Variants in ARHGEF26 observed in about 807,000 individuals in gnomAD.
ARHGEF26 encodes Rho guanine nucleotide exchange factor 26, also known as Rho guanine nucleotide exchange factor (GEF) 26.
A neutral mutation model predicts 89.4 loss-of-function variants in ARHGEF26; 59 were observed. That is an observed-to-expected ratio of 0.66 (90% CI 0.54 to 0.82). The LOEUF (loss-of-function observed/expected upper bound fraction) is 0.82, where lower values mean the gene tolerates loss of function less well. Ranked by LOEUF, ARHGEF26 falls within the 40% of genes least tolerant of loss-of-function variation. The pLI is 0.00. For missense variants in ARHGEF26, 1,234 were observed against 1,085.6 expected, an observed-to-expected ratio of 1.14 and a Z score of -1.92; for synonymous variants, 500 against 428.4, an observed-to-expected ratio of 1.17 and a Z score of -2.06.
At chr3:154,194,761 T>G (rs1243309373) in intron 9 of ARHGEF26, 43 bp downstream of exon 9, 2 of 1,508,626 alleles carry the variant, frequency 1.3e-6, no homozygotes, top group Admixed American at 3.6e-5. Flanking sequence ...AGGAAACCAT[T>G]CAGTTAGCTC....
chr3:154,124,372 C>CTTTTTTTTTTTTTTTTTTATT, intron 2 of ARHGEF26, 38 bp from the exon 3 acceptor site: 1 of 1,007,768 alleles, frequency 9.9e-7, no homozygotes, highest in Non-Finnish European at 1.3e-6. Flanking sequence ...TTTGCTTTTC[C>CTTTTTTTTTTTTTTTTTTATT]TTTTTTTTTT....
chr3:154,174,463 G>A (rs1712674834), intron 6 of ARHGEF26, among the ~76,000 whole-genome samples: 1 of 152,186 alleles, frequency 6.6e-6, no homozygotes, highest in South Asian at 2.1e-4. Flanking sequence ...CTATGCATCA[G>A]GTGGCACTCT....
At chr3:154,252,452 G>A (rs1315010334) in intron 12 of ARHGEF26, among the ~76,000 whole-genome samples, 2 of 152,138 alleles carry the variant, frequency 1.3e-5, no homozygotes, top group African/African-American at 4.8e-5. Flanking sequence ...ATGTAGAGAA[G>A]TGCTTGCTTA....
chr3:154,252,845 CCTT>C (rs1444415439), intron 12 of ARHGEF26, among the ~76,000 whole-genome samples: 4 of 152,152 alleles, frequency 2.6e-5, no homozygotes, highest in Non-Finnish European at 5.9e-5. Context: ...GTAATCAGCT[CCTT>C]ATTAACTTTT....
intron 6 of ARHGEF26, among the ~76,000 whole-genome samples, chr3:154,171,314 A>C (rs1228257530): frequency 2.6e-5 from 4 of 152,178 alleles, no homozygotes; most frequent in Non-Finnish European, 5.9e-5. Context: ...TACTATCAAC[A>C]TCCCACATCA....
intron 12 of ARHGEF26, among the ~76,000 whole-genome samples, chr3:154,252,416 A>T (rs1483413598): frequency 6.6e-6 from 1 of 152,210 alleles, no homozygotes; most frequent in African/African-American, 2.4e-5. Context: ...TTGGTGCTCA[A>T]AATAAAAAAC....
chr3:154,195,012 G>A (rs997277565), intron 9 of ARHGEF26, among the ~76,000 whole-genome samples: 4 of 152,178 alleles, frequency 2.6e-5, no homozygotes, highest in Non-Finnish European at 5.9e-5. Context: ...ATCAACCACT[G>A]TGCCAAGAAT....
At chr3:154,207,325 A>G (rs1037550959) in intron 9 of ARHGEF26, among the ~76,000 whole-genome samples, 2 of 152,220 alleles carry the variant, frequency 1.3e-5, no homozygotes, top group Non-Finnish European at 2.9e-5. Context: ...GACAGCCTAC[A>G]GAATGGGAGA....
chr3:154,137,379 A>C lies in ARHGEF26; in HGVS notation c.1269+7660A>C, dbSNP rs968289279. Among the ~76,000 whole-genome samples the C allele has an allele frequency of 3.9e-5, 6 of 152,298 alleles. No individual in the cohort carries two copies. The East Asian group carries it at 5.8e-4, about 15-fold the overall frequency. On this transcript the variant is annotated intron_variant, in intron 4 of 14. Transcript: ENST00000465093. ...CCACCGGCAAGAAGGCTCTCACCAA[A>C]TGTAGCCCCTCAGCCTGGAACTTCT...
At position 154,224,087 on chromosome 3, in the gene ARHGEF26, A is replaced by G. The variant is rs930665118; in HGVS notation, c.1936-1769A>G. ...ATCTTTGTTCATGAATTTCTTTTCT[A>G]GTTTCTGGTTCACACATGGATTCTA... On this transcript the variant is annotated intron_variant, in intron 10 of 14. Transcript: ENST00000465093. Among the ~76,000 whole-genome samples the G allele has an allele frequency of 3.3e-5, 5 of 152,086 alleles. No homozygotes were observed. In the East Asian group the frequency reaches 7.7e-4, roughly 23 times the overall value.
At chr3:154,126,006 A>G (rs1718309229) in intron 3 of ARHGEF26, among the ~76,000 whole-genome samples, 1 of 152,156 alleles carries the variant, frequency 6.6e-6, no homozygotes, top group East Asian at 1.9e-4. Context: ...CATGTGTGAA[A>G]TGAGGTTAAT....
At position 154,219,392 on chromosome 3, in the gene ARHGEF26, C is replaced by T. The variant is rs187350635; in HGVS notation, c.1935+1434C>T. ...GGTGAATCACCTGGGGTCAGGAGTT[C>T]GAGAGCAGCCTGACCAACGTGATGA... On this transcript the variant is annotated intron_variant, in intron 10 of 14. Transcript: ENST00000465093. Among the ~76,000 whole-genome samples the T allele has an allele frequency of 1.2e-4, 18 of 151,902 alleles. 1 individual carries two copies. The highest frequency in any genetic ancestry group is 1.2e-3 in the Admixed American group (18 of 15,246).
At chr3:154,158,789 C>A (rs1489752394) in intron 6 of ARHGEF26, among the ~76,000 whole-genome samples, 3 of 29,678 alleles carry the variant, frequency 1.0e-4, no homozygotes, top group African/African-American at 5.0e-4. Context: ...TTTCATATTT[C>A]CTTTGATTTT....
At chr3:154,153,963 A>G (rs932210808) in intron 6 of ARHGEF26, among the ~76,000 whole-genome samples, 5 of 152,102 alleles carry the variant, frequency 3.3e-5, no homozygotes, top group African/African-American at 1.2e-4. Context: ...TTTGTTCTGT[A>G]GAATTTCCCA....
At chr3:154,142,140 T>G (rs1206339111) in intron 4 of ARHGEF26, among the ~76,000 whole-genome samples, 4 of 152,114 alleles carry the variant, frequency 2.6e-5, no homozygotes, top group African/African-American at 9.7e-5. Flanking sequence ...AGGATGTAAC[T>G]TAAACTAGAT....
intron 9 of ARHGEF26, among the ~76,000 whole-genome samples, chr3:154,207,173 A>T (rs1248362049): frequency 1.3e-5 from 2 of 152,220 alleles, no homozygotes; most frequent in Admixed American, 6.5e-5. Context: ...ACCTGGTCAT[A>T]CCATTCGGGA....
intron 4 of ARHGEF26, among the ~76,000 whole-genome samples, chr3:154,133,239 C>G (rs1718797001): frequency 6.6e-6 from 1 of 152,056 alleles, no homozygotes; most frequent in Non-Finnish European, 1.5e-5. Context: ...TTTCATTGGA[C>G]CATGCTGGGT....
At chr3:154,151,723 T>G (rs1018105229) in intron 5 of ARHGEF26, among the ~76,000 whole-genome samples, 3 of 152,164 alleles carry the variant, frequency 2.0e-5, no homozygotes, top group Non-Finnish European at 2.9e-5. Context: ...GCACTGAGAT[T>G]AGCACTTCTA....
At chr3:154,158,737 A>C (rs945661916) in intron 6 of ARHGEF26, among the ~76,000 whole-genome samples, 1 of 152,166 alleles carries the variant, frequency 6.6e-6, no homozygotes, top group African/African-American at 2.4e-5. Context: ...GAATAGGCTT[A>C]ATTCATAACT....
Sources: gnomAD v4.1 joint callset for allele counts (sites outside exome capture counted in the v4.1 genomes callset) on GRCh38, gnomAD v4.1.1 for gene constraint, MANE v1.5 for transcripts, NCBI Gene and HGNC (gene_info 2026-07-23, HGNC 2026-07-21) for gene names.